Variants in ZNF516 observed in about 807,000 individuals in gnomAD.
The protein encoded by ZNF516 is zinc finger protein 516.
A neutral mutation model predicts 79.7 loss-of-function variants in ZNF516; 19 were observed. The ratio of observed to expected loss-of-function variants is 0.24; its 90% CI spans 0.17 to 0.35. ZNF516 has a LOEUF of 0.35. ZNF516 is among the 10% of genes least tolerant of loss of function. The probability of loss-of-function intolerance (pLI) is 1.00; values close to 1 mark genes in which losing one functional copy is unlikely to be tolerated. For synonymous variants in ZNF516, 877 were observed against 739.5 expected, an observed-to-expected ratio of 1.19 and a Z score of -3.02; for missense variants, 1,678 against 1,679.5, an observed-to-expected ratio of 1.00 and a Z score of 0.02.
In ZNF516 at chr18:76,451,133, G is replaced by A. The variant is rs1434234161; in HGVS notation, c.-157-7922C>T. ...AAGTCCCCACAAGCAGCATGTGTCAGGGGAGGGAAGCAAAGCTGAAGTGGG... is the reference window on the plus strand; with the variant it reads ...AAGTCCCCACAAGCAGCATGTGTCAAGGGAGGGAAGCAAAGCTGAAGTGGG... On this transcript the variant is annotated intron_variant, in intron 2 of 6. Coordinates refer to ENST00000443185, the MANE Select transcript of ZNF516 (RefSeq NM_014643.4). The surrounding 1 kb of genome is among the most constrained non-coding windows in gnomAD (Gnocchi z 6.0). 6.6e-6 allele frequency among the ~76,000 whole-genome samples: 1 copy of A among 152,226 alleles called. No homozygotes were observed. Among genetic ancestry groups the A allele is most frequent in the Non-Finnish European group, 1.5e-5 (1 of 68,046 alleles).
chr18:76,397,554 T>C (rs2075164088), intron 3 of ZNF516, among the ~76,000 whole-genome samples: 2 of 152,364 alleles, frequency 1.3e-5, no homozygotes, highest in South Asian at 2.1e-4. Context: ...GAAAGTATGT[T>C]ATCTGTGTTA....
chr18:76,364,609 C>T (rs2074586296), intron 6 of ZNF516, among the ~76,000 whole-genome samples: 2 of 152,294 alleles, frequency 1.3e-5, no homozygotes, highest in East Asian at 1.9e-4. Context: ...ACGAGGTCCA[C>T]TTTCTCTCTT....
At position 76,357,709 on chromosome 18, in the gene ZNF516, T is replaced by TC. The variant is rs149195193; in HGVS notation, c.*4788dup. 0.093 allele frequency among the ~76,000 whole-genome samples: 14,149 copies of TC among 152,242 alleles called. 1,336 individuals are homozygous for TC. Among genetic ancestry groups the TC allele is most frequent in the African/African-American group, 0.24 (9,966 of 41,484 alleles). On this transcript the variant is annotated 3_prime_UTR_variant, in exon 7 of 7. Transcript: ENST00000443185. ...TTTTTAAATTAGAATCTTTATTGCA[T>TC]CTGATGGTCCTGTCTCATTTTTGCT...
rs765528045 is a variant in ZNF516 at position 76,379,538 on chromosome 18, T to C, written c.2576A>G (p.Lys859Arg). 1 of 1,613,734 alleles carries C rather than the reference T, an allele frequency of 6.2e-7. No homozygotes were observed. Among genetic ancestry groups the C allele is most frequent in the South Asian group, 1.1e-5 (1 of 91,088 alleles). Residue 859 changes from lysine (K) to arginine (R), a missense_variant, in exon 4 of 7, where the codon AAA becomes AGA. This residue lies in a region of ZNF516 where 1,294 missense variants were observed against 1,248.3 expected (regional missense o/e 1.04). Coordinates refer to ENST00000443185, the MANE Select transcript of ZNF516 (RefSeq NM_014643.4). ...SGSSPLGVVTKAASMPKNKES... is the reference protein window; with the variant it reads ...SGSSPLGVVTRAASMPKNKES... ...CTTATTCTTAGGCATGCTAGCGGCT[T>C]TTGTGACCACTCCCAGGGGAGAAGA... is the stretch of plus-strand genomic sequence containing the variant.
At position 76,362,120 on chromosome 18, in the gene ZNF516, C is replaced by G. The variant is rs982190724; in HGVS notation, c.*378G>C. ...TCGCCACTCTGTCCAACACACACAA[C>G]AAGTATCTTTTTTTCCAGTGTCTCA... On this transcript the variant is annotated 3_prime_UTR_variant, in exon 7 of 7. Coordinates refer to ENST00000443185, the MANE Select transcript of ZNF516 (RefSeq NM_014643.4). The G allele has an allele frequency of 6.0e-5, 11 of 184,682 alleles. No homozygotes were observed. The highest frequency in any genetic ancestry group is 4.9e-3 in the Middle Eastern group (2 of 410). The allele number at this position is 184,682 out of a possible 1,614,324, so 11.4% of individuals were successfully genotyped here.
intron 4 of ZNF516, among the ~76,000 whole-genome samples, chr18:76,377,162 C>T (rs772406051): frequency 2.6e-5 from 4 of 152,272 alleles, no homozygotes; most frequent in Admixed American, 6.5e-5. Context: ...CTCCCACCCA[C>T]GACAGCCTCC....
intron 1 of ZNF516, chr18:76,492,373 G>C (rs765914775): frequency 6.1e-4 from 605 of 985,088 alleles, no homozygotes; most frequent in Non-Finnish European, 6.9e-4. Context: ...GTGACGCGCT[G>C]TGCCCGTGAA....
intron 2 of ZNF516, among the ~76,000 whole-genome samples, chr18:76,450,330 T>G (rs1912325836): frequency 6.6e-6 from 1 of 151,758 alleles, no homozygotes; most frequent in Non-Finnish European, 1.5e-5. Context: ...TCTTCCCCTA[T>G]CTGCCCCTCC....
chr18:76,367,703 C>T (rs9954324), intron 6 of ZNF516, among the ~76,000 whole-genome samples: 10,643 of 152,284 alleles, frequency 0.07, 1,262 homozygotes, highest in African/African-American at 0.24. Flanking sequence ...CTCTGCCCTA[C>T]TTCCTGTCTA....
Position 76,486,510 on chromosome 18 carries a change from C to T in ZNF516, c.-272+8634G>A, listed in dbSNP as rs144909800. On this transcript the variant is annotated intron_variant, in intron 1 of 6. Transcript: ENST00000443185. ...AAGAAATTATAGTTTTAATAGAGAACCTTGATTTTTTAAGCCTGTCTTTAA... is the reference window on the plus strand; with the variant it reads ...AAGAAATTATAGTTTTAATAGAGAATCTTGATTTTTTAAGCCTGTCTTTAA... Among the ~76,000 whole-genome samples, 272 of 152,146 alleles carry T rather than the reference C, an allele frequency of 1.8e-3. 3 individuals are homozygous for T. Among genetic ancestry groups the T allele is most frequent in the African/African-American group, 6.0e-3 (251 of 41,500 alleles).
chr18:76,495,874 T>A, upstream of ZNF516: 1 of 497,054 alleles, frequency 2.0e-6, no homozygotes, highest in Non-Finnish European at 2.9e-6. Context: ...GCAGGATCAA[T>A]ACATTAAGTC....
chr18:76,496,132 G>A (rs937897924), upstream of ZNF516: 2 of 519,808 alleles, frequency 3.8e-6, no homozygotes, highest in African/African-American at 2.0e-5. Flanking sequence ...GGGCAGGGAT[G>A]GCCGGGGTGG....
chr18:76,473,294 C>A (rs1599144636), intron 1 of ZNF516, among the ~76,000 whole-genome samples: 1 of 131,286 alleles, frequency 7.6e-6, no homozygotes. Flanking sequence ...GGAATAAACT[C>A]ACTTATTTAA....
intron 1 of ZNF516, among the ~76,000 whole-genome samples, chr18:76,475,227 C>T (rs760045745): frequency 1.8e-4 from 28 of 152,098 alleles, no homozygotes; most frequent in Admixed American, 3.9e-4. Flanking sequence ...GATAATGTGA[C>T]GAAGTAACAG....
intron 2 of ZNF516, among the ~76,000 whole-genome samples, chr18:76,455,112 C>A (rs983743623): frequency 6.6e-6 from 1 of 152,030 alleles, no homozygotes; most frequent in African/African-American, 2.4e-5. Flanking sequence ...GAAAGCTGTC[C>A]TAAGTCAAAC....
chr18:76,403,544 G>C (rs1001393004), intron 3 of ZNF516, among the ~76,000 whole-genome samples: 1 of 152,144 alleles, frequency 6.6e-6, no homozygotes, highest in Non-Finnish European at 1.5e-5. Flanking sequence ...AGGGGTCAGC[G>C]ACTGTACAAT....
In ZNF516 at chr18:76,442,501, C is replaced by A. The variant is rs778180363; in HGVS notation, c.554G>T (p.Arg185Leu). 5 of 1,602,168 alleles carry A rather than the reference C, an allele frequency of 3.1e-6. No homozygotes were observed. The highest frequency in any genetic ancestry group is 2.2e-5 in the South Asian group (2 of 91,088). Reference sequence around the variant, plus strand: ...CACGTGCAGCTCCAGGTCCTTCTTACGCTCGAACTGGCTCTTGCAGAAGGA... The same window carrying A: ...CACGTGCAGCTCCAGGTCCTTCTTAAGCTCGAACTGGCTCTTGCAGAAGGA... ...QCSFCKSQFE[R>L]KKDLELHVHQ... The change falls in exon 3 of 7, where the codon CGT (arginine) becomes CTT (leucine). Residue 185 changes from arginine to leucine, a missense_variant. By Grantham distance (102) the Arg-to-Leu change is moderately radical. Transcript: ENST00000443185.
In ZNF516 at chr18:76,379,417, C is replaced by T. The variant is rs2074849854; in HGVS notation, c.2697G>A (p.Ala899=). ...KPCHGQEPHG[A]ATQGPLAKPR... is the part of the protein sequence containing the mutation. Reference sequence around the variant, plus strand: ...GCTTGGCCAGGGGCCCCTGTGTGGCCGCGCCATGTGGCTCCTGGCCGTGAC... The same window carrying T: ...GCTTGGCCAGGGGCCCCTGTGTGGCTGCGCCATGTGGCTCCTGGCCGTGAC... Residue 899 remains alanine (A), a synonymous_variant, in exon 4 of 7, where the codon GCG becomes GCA. Coordinates refer to ENST00000443185, the MANE Select transcript of ZNF516 (RefSeq NM_014643.4). 7 of 1,609,398 alleles carry T rather than the reference C, an allele frequency of 4.3e-6. No individual in the cohort carries two copies. The highest frequency in any genetic ancestry group is 1.1e-5 in the South Asian group (1 of 90,776).
At chr18:76,376,452 A>G (rs2074787439) in intron 4 of ZNF516, among the ~76,000 whole-genome samples, 1 of 152,192 alleles carries the variant, frequency 6.6e-6, no homozygotes, top group Admixed American at 6.5e-5. Flanking sequence ...CATTAGAAGA[A>G]TAAATAACCC....
Sources: allele counts gnomAD v4.1 joint callset (sites outside exome capture counted in the v4.1 genomes callset), GRCh38; gene constraint gnomAD v4.1.1; regional missense constraint gnomAD v4.1.1; non-coding constraint Gnocchi (gnomAD v3.1); transcripts MANE v1.5; gene names NCBI Gene and HGNC (gene_info 2026-07-23, HGNC 2026-07-21).